The following IGSF11 variants were observed in gnomAD, a reference collection of about 807,000 sequenced individuals.
The protein encoded by IGSF11 is CXADR like 1.
Under a neutral mutation model 41.0 loss-of-function variants are expected in IGSF11, and 22 were observed. The ratio of observed to expected loss-of-function variants is 0.54; its 90% CI spans 0.38 to 0.77. IGSF11 has a LOEUF of 0.77. IGSF11 is among the 30% of genes least tolerant of loss of function. The probability of loss-of-function intolerance (pLI) is 0.00; values close to 1 mark genes in which losing one functional copy is unlikely to be tolerated. For synonymous variants in IGSF11, 219 were observed against 201.3 expected, an observed-to-expected ratio of 1.09 and a Z score of -0.74; for missense variants, 444 against 530.8, an observed-to-expected ratio of 0.84 and a Z score of 1.61.
chr3:118,994,116 G>C (rs1559757195), intron 1 of IGSF11, among the ~76,000 whole-genome samples: 1 of 152,306 alleles, frequency 6.6e-6, no homozygotes, highest in African/African-American at 2.4e-5. Context: ...ATCTGATGGG[G>C]AAAGGCACAT....
At chr3:118,945,158 T>C (rs1944019215) in intron 1 of IGSF11, among the ~76,000 whole-genome samples, 1 of 152,062 alleles carries the variant, frequency 6.6e-6, no homozygotes, top group Non-Finnish European at 1.5e-5. Flanking sequence ...TAAATAGCAA[T>C]TGAATTTGAT....
intron 1 of IGSF11, among the ~76,000 whole-genome samples, chr3:119,126,334 G>A (rs1380501730): frequency 2.0e-5 from 3 of 152,212 alleles, no homozygotes; most frequent in Non-Finnish European, 4.4e-5. Context: ...AGGATCTCCA[G>A]TAACTCCAGC....
At position 119,008,864 on chromosome 3, in the gene IGSF11, G is replaced by A. The variant is rs1937738328; in HGVS notation, c.52+25667C>T. Among the ~76,000 whole-genome samples the A allele has an allele frequency of 2.0e-5, 3 of 152,112 alleles. No individual in the cohort carries two copies. In the South Asian group the frequency reaches 6.2e-4, roughly 31 times the overall value. ...GCCCCATCCAATCAGGTGAAAGCCT[G>A]AAAAGAATGAAAGACTGACCTCCGA... On this transcript the variant is annotated intron_variant, in intron 1 of 6. Transcript: ENST00000393775.
At chr3:118,920,636 A>C (rs1941682634) in intron 4 of IGSF11, among the ~76,000 whole-genome samples, 1 of 129,904 alleles carries the variant, frequency 7.7e-6, no homozygotes, top group Non-Finnish European at 1.5e-5. Context: ...AACACAGAGA[A>C]AAACGAAATA....
chr3:118,957,819 G>T (rs183249796), intron 1 of IGSF11, among the ~76,000 whole-genome samples: 1 of 152,160 alleles, frequency 6.6e-6, no homozygotes, highest in African/African-American at 2.4e-5. Context: ...ACAAAGGAAC[G>T]CCTGGTTTTG....
intron 1 of IGSF11, among the ~76,000 whole-genome samples, chr3:119,011,178 C>A (rs1938071579): frequency 6.6e-6 from 1 of 152,100 alleles, no homozygotes; most frequent in African/African-American, 2.4e-5. Flanking sequence ...AAGTGACTGG[C>A]GTGGGGCAAA....
chr3:118,992,165 A>G (rs1057081945), intron 1 of IGSF11, among the ~76,000 whole-genome samples: 1 of 152,258 alleles, frequency 6.6e-6, no homozygotes, highest in Non-Finnish European at 1.5e-5. Context: ...AAAGGAAGAA[A>G]AGAGAAATGT....
At chr3:119,101,231 C>T (rs890910689) in intron 1 of IGSF11, among the ~76,000 whole-genome samples, 16 of 152,220 alleles carry the variant, frequency 1.1e-4, no homozygotes, top group African/African-American at 3.6e-4. Context: ...TAAAGCAGGC[C>T]GGGTGCGGTG....
chr3:119,049,711 A>G (rs1392215518), intron 1 of IGSF11, among the ~76,000 whole-genome samples: 1 of 152,176 alleles, frequency 6.6e-6, no homozygotes, highest in Non-Finnish European at 1.5e-5. Flanking sequence ...AGCCAAAAGA[A>G]CAAAGCTGGA....
At chr3:119,142,434 G>T (rs914883610) in intron 1 of IGSF11, among the ~76,000 whole-genome samples, 4 of 152,026 alleles carry the variant, frequency 2.6e-5, no homozygotes, top group South Asian at 2.1e-4. Context: ...ATGGCTAGGA[G>T]AAATTAAAAT....
chr3:119,142,535 T>C (rs1322368444), intron 1 of IGSF11, among the ~76,000 whole-genome samples: 2 of 152,074 alleles, frequency 1.3e-5, no homozygotes, highest in East Asian at 3.9e-4. Flanking sequence ...GATAGGTCAA[T>C]TGAAATTCTT....
chr3:118,912,898 CTGAG>C (rs1274465919), intron 4 of IGSF11, among the ~76,000 whole-genome samples: 1 of 152,018 alleles, frequency 6.6e-6, no homozygotes, highest in Non-Finnish European at 1.5e-5. Flanking sequence ...ACTCGGGAGG[CTGAG>C]GTAGGAGGAT....
chr3:118,938,082 T>C (rs1247062718), intron 1 of IGSF11, among the ~76,000 whole-genome samples: 1 of 152,086 alleles, frequency 6.6e-6, no homozygotes, highest in African/African-American at 2.4e-5. Context: ...TATGTGTATA[T>C]ACATATGTGT....
upstream of IGSF11, among the ~76,000 whole-genome samples, chr3:119,035,194 A>G (rs1940834149): frequency 6.6e-6 from 1 of 152,192 alleles, no homozygotes; most frequent in African/African-American, 2.4e-5. Flanking sequence ...AGCTCTAGCA[A>G]TGACTTTTCC....
intron 1 of IGSF11, among the ~76,000 whole-genome samples, chr3:118,964,238 T>A (rs1323199576): frequency 6.6e-6 from 1 of 151,840 alleles, no homozygotes; most frequent in East Asian, 1.9e-4. Flanking sequence ...TTTCAAAGAG[T>A]TTTTAATAAA....
intron 1 of IGSF11, among the ~76,000 whole-genome samples, chr3:119,142,359 A>G (rs2077661614): frequency 6.6e-6 from 1 of 151,910 alleles, no homozygotes; most frequent in Non-Finnish European, 1.5e-5. Context: ...TGCAAGTAAC[A>G]TACAAACTGT....
At chr3:118,929,771 T>C (rs915090430) in intron 2 of IGSF11, among the ~76,000 whole-genome samples, 1 of 152,228 alleles carries the variant, frequency 6.6e-6, no homozygotes, top group Admixed American at 6.5e-5. Flanking sequence ...TGTTACTTCC[T>C]TACTATTATC....
At chr3:118,959,542 C>T (rs1576484055) in intron 1 of IGSF11, among the ~76,000 whole-genome samples, 1 of 152,190 alleles carries the variant, frequency 6.6e-6, no homozygotes, top group Admixed American at 6.5e-5. Flanking sequence ...AAACAAAGGA[C>T]TACCAAAGCC....
At chr3:119,113,268 T>G (rs1187801388) in intron 1 of IGSF11, among the ~76,000 whole-genome samples, 1 of 152,196 alleles carries the variant, frequency 6.6e-6, no homozygotes, top group Non-Finnish European at 1.5e-5. Flanking sequence ...CCCCAAAGTC[T>G]TAACTCATTC....
Sources: allele counts gnomAD v4.1 joint callset (sites outside exome capture counted in the v4.1 genomes callset), GRCh38; gene constraint gnomAD v4.1.1; transcripts MANE v1.5; gene names NCBI Gene and HGNC (gene_info 2026-07-23, HGNC 2026-07-21).